Variants in SLC2A11 observed in about 807,000 individuals in gnomAD.
SLC2A11 encodes solute carrier family 2, facilitated glucose transporter member 11.
In SLC2A11, 43 loss-of-function variants were observed where a neutral mutation model predicts 52.1. The observed-to-expected ratio is 0.82, with a 90% CI of 0.65 to 1.06. SLC2A11 has a LOEUF of 1.06. SLC2A11 is among the 50% of genes least tolerant of loss of function. SLC2A11 has a pLI of 0.00. For missense variants in SLC2A11, 582 were observed against 654.2 expected, an observed-to-expected ratio of 0.89 and a Z score of 1.20; for synonymous variants, 261 against 277.6, an observed-to-expected ratio of 0.94 and a Z score of 0.59.
At chr22:23,857,489 G>A (rs2031877271), upstream of SLC2A11, 1 of 1,613,988 alleles carries the variant, frequency 6.2e-7, no homozygotes, top group Non-Finnish European at 8.5e-7. Context: ...GGCAGAGGCG[G>A]ATGGAGGATG....
Position 23,877,267 on chromosome 22 carries a change from A to T in SLC2A11, c.545+96A>T, listed in dbSNP as rs1036825692. Reference sequence around the variant, plus strand: ...TCTCCCCTACCCACTAGTAGATTAAAGCATTATTGCTTTGCATGAAGGCAT... The same window carrying T: ...TCTCCCCTACCCACTAGTAGATTAATGCATTATTGCTTTGCATGAAGGCAT... On this transcript the variant is annotated intron_variant, in intron 5 of 11. Coordinates refer to ENST00000316185, the MANE Select transcript of SLC2A11 (RefSeq NM_001024939.4). 5.1e-6 allele frequency: 8 copies of T among 1,564,088 alleles called. No homozygotes were observed. In the Admixed American group the frequency reaches 1.3e-4, roughly 24 times the overall value.
chr22:23,862,278 A>T, intron 2 of SLC2A11, 76 bp downstream of exon 2: 1 of 1,393,496 alleles, frequency 7.2e-7, no homozygotes, highest in South Asian at 1.2e-5. Context: ...GAGGGGCTTC[A>T]GCCAGGCATC....
chr22:23,857,000 A>G (rs752931230), upstream of SLC2A11: 19 of 1,548,164 alleles, frequency 1.2e-5, 1 homozygote, highest in East Asian at 4.8e-4. Flanking sequence ...TGGTGGGTCT[A>G]TCTTTCGGTC....
intron 2 of SLC2A11, among the ~76,000 whole-genome samples, chr22:23,863,062 C>G (rs182933336): frequency 1.3e-5 from 2 of 152,306 alleles, no homozygotes; most frequent in Admixed American, 6.5e-5. Context: ...CAGACCTGAC[C>G]AAATGAACCC....
chr22:23,867,068 C>G (rs1329110228), intron 2 of SLC2A11: 1 of 152,506 alleles, frequency 6.6e-6, no homozygotes, highest in Admixed American at 6.5e-5. Context: ...CTGATGTGGG[C>G]TGCACAGGTG....
chr22:23,857,205 G>A (rs1329633464), upstream of SLC2A11: 6 of 768,774 alleles, frequency 7.8e-6, no homozygotes, highest in Admixed American at 2.5e-5. Flanking sequence ...AGGGAATCGC[G>A]CAGGGTTGCG....
chr22:23,862,259 C>A, intron 2 of SLC2A11, 57 bp downstream of exon 2: 1 of 1,515,284 alleles, frequency 6.6e-7, no homozygotes, highest in Non-Finnish European at 9.2e-7. Context: ...TGGCTAACAG[C>A]TGCCCACTGA....
intron 2 of SLC2A11, chr22:23,868,173 C>T (rs919100223): frequency 2.4e-6 from 1 of 422,488 alleles, no homozygotes; most frequent in African/African-American, 2.0e-5. Flanking sequence ...GGGAAAATAT[C>T]CACACATTTG....
In SLC2A11 at chr22:23,862,225, G is replaced by A. The variant is rs1221424582; in HGVS notation, c.129+23G>A. 5 of 1,608,310 alleles carry A rather than the reference G, an allele frequency of 3.1e-6. No individual in the cohort carries two copies. In the East Asian group the frequency reaches 6.7e-5, roughly 22 times the overall value. ...TTGGTATGTATCCTCTCTGGGTGGA[G>A]ACTGTCCCTGTCTGAGTGGGTACTG... On this transcript the variant is annotated intron_variant, in intron 2 of 11. Coordinates refer to ENST00000316185, the MANE Select transcript of SLC2A11 (RefSeq NM_001024939.4).
At chr22:23,879,161 T>G (rs1464256508) in intron 6 of SLC2A11, among the ~76,000 whole-genome samples, 1 of 152,224 alleles carries the variant, frequency 6.6e-6, no homozygotes, top group Non-Finnish European at 1.5e-5. Context: ...TTTTATCTTT[T>G]AGAGACAGGT....
In SLC2A11 at chr22:23,862,139, T is replaced by G; in HGVS notation, c.66T>G (p.Ala22=). Residue 22 remains alanine, a synonymous_variant, in exon 2 of 12, where the codon GCT becomes GCG. Transcript: ENST00000316185. ...GGATCCTGCTCCTGACCATCTGCGCTGCCGGCATTGGTGGGACTTTTCAGT... is the reference window on the plus strand; with the variant it reads ...GGATCCTGCTCCTGACCATCTGCGCGGCCGGCATTGGTGGGACTTTTCAGT... ...QGRILLLTIC[A]AGIGGTFQFG... is the part of the protein sequence containing the mutation. The G allele has an allele frequency of 6.2e-7, 1 of 1,614,222 alleles. No homozygotes were observed. The highest frequency in any genetic ancestry group is 8.5e-7 in the Non-Finnish European group (1 of 1,180,036).
intron 4 of SLC2A11, 54 bp from the exon 5 acceptor site, chr22:23,876,988 T>C (rs2032631922): frequency 1.9e-6 from 3 of 1,612,170 alleles, no homozygotes; most frequent in African/African-American, 2.7e-5. Flanking sequence ...CTGGGTGTCG[T>C]GGAGTGGGGG....
intron 1 of SLC2A11, among the ~76,000 whole-genome samples, chr22:23,860,508 G>A (rs1369972130): frequency 2.0e-5 from 3 of 152,206 alleles, no homozygotes; most frequent in Non-Finnish European, 4.4e-5. Context: ...GGTGGCTCAC[G>A]TCTGTAATCT....
intron 6 of SLC2A11, among the ~76,000 whole-genome samples, chr22:23,878,485 A>G (rs957279214): frequency 9.8e-5 from 15 of 152,308 alleles, no homozygotes; most frequent in African/African-American, 3.6e-4. Context: ...TAGGAATAGC[A>G]TGGTGATGGC....
chr22:23,866,364 AG>A, intron 2 of SLC2A11: 1 of 163,952 alleles, frequency 6.1e-6, no homozygotes. Flanking sequence ...TGAGCTGGGC[AG>A]GGGAGAGCTG....
upstream of SLC2A11, chr22:23,857,198 G>T: frequency 1.3e-6 from 1 of 784,662 alleles, no homozygotes; most frequent in East Asian, 2.7e-5. Flanking sequence ...CCGGCGCAGG[G>T]AATCGCGCAG....
chr22:23,873,965 A>G (rs1026149089), intron 3 of SLC2A11, among the ~76,000 whole-genome samples: 5 of 152,108 alleles, frequency 3.3e-5, no homozygotes, highest in African/African-American at 9.7e-5. Context: ...CTCTCAGTAC[A>G]GTGAGCTATA....
At chr22:23,869,856 A>G (rs2032393636) in intron 3 of SLC2A11, 3 of 611,818 alleles carry the variant, frequency 4.9e-6, no homozygotes, top group Middle Eastern at 3.1e-4. Context: ...GTGTCCTCAC[A>G]TGGCAGAAAG....
chr22:23,862,115 G>C lies in SLC2A11; in HGVS notation c.42G>C (p.Arg14Ser), dbSNP rs769654843. The C allele has an allele frequency of 6.2e-7, 1 of 1,614,168 alleles. No homozygotes were observed. Among genetic ancestry groups the C allele is most frequent in the Admixed American group, 1.7e-5 (1 of 60,018 alleles). Residue 14 changes from arginine (R) to serine (S), a missense_variant, in exon 2 of 12, where the codon AGG (arginine) becomes AGC (serine). By Grantham distance (110) the Arg-to-Ser change is moderately radical. Coordinates refer to ENST00000316185, the MANE Select transcript of SLC2A11 (RefSeq NM_001024939.4). ...ALLRSRMIQGRILLLTICAAG... is the reference protein window; with the variant it reads ...ALLRSRMIQGSILLLTICAAG... ...TCCTCTCTCCTCAGATTCAGGGCAG[G>C]ATCCTGCTCCTGACCATCTGCGCTG...
Sources: allele counts gnomAD v4.1 joint callset (sites outside exome capture counted in the v4.1 genomes callset), GRCh38; gene constraint gnomAD v4.1.1; transcripts MANE v1.5; gene names NCBI Gene and HGNC (gene_info 2026-07-23, HGNC 2026-07-21).